Variants in MACF1 observed in about 807,000 individuals in gnomAD.
MACF1 encodes microtubule actin crosslinking factor 1.
In MACF1, 193 loss-of-function variants were observed where a neutral mutation model predicts 854.8. That is an observed-to-expected ratio of 0.23 (90% confidence interval 0.20 to 0.25). MACF1 has a LOEUF of 0.25. MACF1 is among the 10% of genes least tolerant of loss of function. The pLI is 1.00. For missense variants in MACF1, 7,722 were observed against 8,929.1 expected (o/e 0.86, Z 5.45); for synonymous variants, 3,185 against 3,226.7 (o/e 0.99, Z 0.44).
In MACF1 at chr1:39,439,353, T is replaced by G; in HGVS notation, c.18300T>G (p.Phe6100Leu). 1 of 1,614,054 alleles carries G rather than the reference T, an allele frequency of 6.2e-7. No individual in the cohort carries two copies. ...KARAEEREIKFLDVLELAEKF... is the reference protein window; with the variant it reads ...KARAEEREIKLLDVLELAEKF... ...GGGCTGAAGAACGAGAAATCAAATT[T>G]CTTGATGTCCTTGAATTAGCAGAGA... Residue 6100 changes from phenylalanine (F) to leucine (L), a missense_variant, in exon 72 of 101, where the codon TTT becomes TTG. By Grantham distance (22) the Phe-to-Leu change is conservative. Around this residue, in one of 15 missense-constraint regions of MACF1, gnomAD observed 2,807 missense variants for 3,235.8 expected, o/e 0.87. Transcript: ENST00000564288.
chr1:39,414,029 C>T (rs368976359), intron 58 of MACF1: 14 of 1,608,080 alleles, frequency 8.7e-6, no homozygotes, highest in Non-Finnish European at 1.1e-5. Flanking sequence ...GAGGAACCCA[C>T]CTCCTCAGCA....
At chr1:39,104,566 T>G (rs758080970) in intron 2 of MACF1, among the ~76,000 whole-genome samples, 5 of 152,154 alleles carry the variant, frequency 3.3e-5, no homozygotes, top group Admixed American at 1.3e-4. Flanking sequence ...GCTGTCACAG[T>G]TTAATAATTC....
At chr1:39,351,285 T>C (rs1421305443) in intron 43 of MACF1, among the ~76,000 whole-genome samples, 3 of 152,158 alleles carry the variant, frequency 2.0e-5, no homozygotes, top group Admixed American at 2.0e-4. Flanking sequence ...CCCAAGTAGC[T>C]GGGATTACAG....
At chr1:39,279,292 G>A (rs1380092822) in intron 6 of MACF1, among the ~76,000 whole-genome samples, 2 of 152,144 alleles carry the variant, frequency 1.3e-5, no homozygotes, top group Admixed American at 1.3e-4. Flanking sequence ...CTCAATGCAA[G>A]CTTCCCATAC....
At chr1:39,147,032 CCTT>C (rs963383088) in intron 2 of MACF1, among the ~76,000 whole-genome samples, 8 of 151,668 alleles carry the variant, frequency 5.3e-5, no homozygotes, top group South Asian at 2.1e-4. Flanking sequence ...CTTCTTCCTT[CCTT>C]CTTCTTCTCC....
intron 2 of MACF1, among the ~76,000 whole-genome samples, chr1:39,157,263 C>A (rs1483936998): frequency 6.6e-6 from 1 of 152,214 alleles, no homozygotes; most frequent in Admixed American, 6.5e-5. Context: ...AGCCACCACA[C>A]CCAGCCCCTT....
intron 2 of MACF1, among the ~76,000 whole-genome samples, chr1:39,153,185 C>T (rs1198175066): frequency 6.6e-6 from 1 of 152,136 alleles, no homozygotes; most frequent in Non-Finnish European, 1.5e-5. Context: ...AGATCTATAA[C>T]CTTGTTCCAG....
At chr1:39,453,648 C>CT in intron 87 of MACF1, 59 bp from the exon 88 acceptor site, 1 of 1,492,826 alleles carries the variant, frequency 6.7e-7, no homozygotes, top group Non-Finnish European at 9.3e-7. Context: ...TCAGTGTAAA[C>CT]TAACAGTGCT....
Position 39,422,388 on chromosome 1 carries a change from A to G in MACF1, c.15831A>G (p.Glu5277=). The stretch of plus-strand genomic sequence containing the variant: ...TAATTATCTAGATGTTTCAGAAAGA[A>G]CAAGTGGATCCTCTTCAGATGAAAT... ...QLADFKMFQK[E]QVDPLQMKLQ... The change falls in exon 59 of 101, where the codon GAA becomes GAG. Residue 5277 remains glutamate, a synonymous_variant. Coordinates refer to ENST00000564288, the MANE Select transcript of MACF1 (RefSeq NM_001394062.1). The G allele has an allele frequency of 6.2e-7, 1 of 1,614,008 alleles. No individual in the cohort carries two copies. Among genetic ancestry groups the G allele is most frequent in the Non-Finnish European group, 8.5e-7 (1 of 1,179,942 alleles).
intron 2 of MACF1, among the ~76,000 whole-genome samples, chr1:39,123,632 C>T (rs980079425): frequency 4.6e-5 from 7 of 151,326 alleles, no homozygotes; most frequent in African/African-American, 9.7e-5. Context: ...TCAATCTCCC[C>T]GGGCTCAGGT....
At chr1:39,234,441 G>A (rs1396770378) in intron 2 of MACF1, among the ~76,000 whole-genome samples, 3 of 147,680 alleles carry the variant, frequency 2.0e-5, no homozygotes, top group Non-Finnish European at 3.0e-5. Context: ...CCTCCCTCCC[G>A]GACGGGGCGG....
rs937776774 is a variant in MACF1, at chr1:39,453,620, A to G, written c.20743-87A>G. 2.8e-5 allele frequency: 33 copies of G among 1,188,094 alleles called. 1 individual carries two copies. Among genetic ancestry groups the G allele is most frequent in the Non-Finnish European group, 4.0e-5 (32 of 807,180 alleles). 73.6% of individuals were successfully genotyped at this position (1,188,094 alleles called of 1,614,324 possible). On this transcript the variant is annotated intron_variant, in intron 87 of 100. Coordinates refer to ENST00000564288, the MANE Select transcript of MACF1 (RefSeq NM_001394062.1). ...TTAACACATGGAGGAAAAAGAAAACATTGAAATTTATCCCCCCTCAGTGTA... is the reference window on the plus strand; with the variant it reads ...TTAACACATGGAGGAAAAAGAAAACGTTGAAATTTATCCCCCCTCAGTGTA...
chr1:39,302,591 C>T (rs1302336316), intron 22 of MACF1, among the ~76,000 whole-genome samples: 1 of 152,134 alleles, frequency 6.6e-6, no homozygotes, highest in African/African-American at 2.4e-5. Context: ...TATTCACCTT[C>T]CATTAGTTTT....
chr1:39,271,564 G>T (rs940031901), intron 6 of MACF1, among the ~76,000 whole-genome samples: 2 of 152,140 alleles, frequency 1.3e-5, no homozygotes, highest in African/African-American at 4.8e-5. Flanking sequence ...AAGTATTTGG[G>T]TTTCATCAGA....
upstream of MACF1, chr1:39,204,349 C>CGA (rs1320688717): frequency 2.6e-5 from 4 of 152,254 alleles, no homozygotes; most frequent in Admixed American, 1.3e-4. Context: ...ATCTTCATCA[C>CGA]ACCTAGATGT....
intron 29 of MACF1, among the ~76,000 whole-genome samples, chr1:39,318,019 T>C (rs529744559): frequency 6.6e-5 from 10 of 152,308 alleles, no homozygotes; most frequent in African/African-American, 2.4e-4. Flanking sequence ...TAGCAGGAAA[T>C]AATGACTATT....
intron 1 of MACF1, among the ~76,000 whole-genome samples, chr1:39,228,442 C>T (rs890372328): frequency 6.6e-6 from 1 of 152,094 alleles, no homozygotes; most frequent in Non-Finnish European, 1.5e-5. Flanking sequence ...TCAGTGATTT[C>T]GATGAGACTA....
chr1:39,331,504 A>G lies in MACF1; in HGVS notation c.4916A>G (p.Glu1639Gly), dbSNP rs1571347106. The G allele has an allele frequency of 6.2e-7, 1 of 1,614,200 alleles. No individual in the cohort carries two copies. The highest frequency in any genetic ancestry group is 8.5e-7 in the Non-Finnish European group (1 of 1,180,034). The change falls in exon 37 of 101, where the codon GAA (glutamate) becomes GGA (glycine). Residue 1639 changes from glutamate (E) to glycine (G), a missense_variant. Glu to Gly is a moderately conservative substitution (Grantham distance 98). This residue lies in a region of MACF1 where 1,531 missense variants were observed against 1,601.6 expected (regional missense o/e 0.96). Transcript: ENST00000564288. ...RGPLSVVEAI[E>G]KRIISETVGL... ...CCTCTTTCTGTGGTGGAAGCAATTG[A>G]AAAGAGAATAATCAGTGAGACAGTT...
chr1:39,256,903 A>AG (rs1336789290), intron 5 of MACF1, among the ~76,000 whole-genome samples: 1 of 152,034 alleles, frequency 6.6e-6, no homozygotes, highest in African/African-American at 2.4e-5. Flanking sequence ...AAAAAAAAAA[A>AG]AAAGGCAAAG....
Sources: allele counts gnomAD v4.1 joint callset (sites outside exome capture counted in the v4.1 genomes callset), GRCh38; gene constraint gnomAD v4.1.1; regional missense constraint gnomAD v4.1.1; transcripts MANE v1.5; gene names NCBI Gene and HGNC (gene_info 2026-07-23, HGNC 2026-07-21).